Variants in ADGRL2 observed in about 807,000 individuals in gnomAD.
ADGRL2 encodes the protein calcium-independent alpha-latrotoxin receptor 2.
ADGRL2 carries 44 observed loss-of-function variants against 157.4 expected under a neutral mutation model. That is an observed-to-expected ratio of 0.28 (90% CI 0.22 to 0.36). The LOEUF (loss-of-function observed/expected upper bound fraction) is 0.36, where lower values mean the gene tolerates loss of function less well. Among genes scored for constraint, ADGRL2 ranks in the 10% least tolerant of loss-of-function variants. ADGRL2 has a pLI of 1.00. For missense variants in ADGRL2, 1,510 were observed against 1,768.9 expected, an observed-to-expected ratio of 0.85 and a Z score of 2.63; for synonymous variants, 585 against 624.7, an observed-to-expected ratio of 0.94 and a Z score of 0.95.
chr1:81,711,000 A>G (rs1241861114), intron 1 of ADGRL2, among the ~76,000 whole-genome samples: 1 of 152,184 alleles, frequency 6.6e-6, no homozygotes, highest in Admixed American at 6.5e-5. Flanking sequence ...AACATCATGC[A>G]TTGGTCATTT....
chr1:81,722,687 T>C (rs998323193), intron 1 of ADGRL2: 9 of 1,168,658 alleles, frequency 7.7e-6, no homozygotes, highest in Admixed American at 3.4e-5. Context: ...GCACAGGAAA[T>C]TGCAGAAGAA....
intron 9 of ADGRL2, 86 bp from the exon 10 acceptor site, chr1:81,952,901 C>T (rs921238206): frequency 2.8e-6 from 3 of 1,078,294 alleles, no homozygotes; most frequent in African/African-American, 3.1e-5. Flanking sequence ...TCTGGAACAC[C>T]AGCTTAATTT....
At chr1:81,444,703 A>T (rs2077570135) in intron 1 of ADGRL2, among the ~76,000 whole-genome samples, 1 of 152,144 alleles carries the variant, frequency 6.6e-6, no homozygotes, top group African/African-American at 2.4e-5. Context: ...TAAGAGTGCA[A>T]TTGATCTTTT....
intron 3 of ADGRL2, among the ~76,000 whole-genome samples, chr1:81,584,857 G>A (rs76920924): frequency 6.6e-6 from 1 of 152,108 alleles, no homozygotes; most frequent in Non-Finnish European, 1.5e-5. Context: ...AAACTCTAGA[G>A]TTACCTGGTG....
At chr1:81,532,473 T>C (rs1330863351) in intron 2 of ADGRL2, among the ~76,000 whole-genome samples, 3 of 152,104 alleles carry the variant, frequency 2.0e-5, no homozygotes, top group Non-Finnish European at 4.4e-5. Context: ...GCACTAAGCT[T>C]TTATGAATAA....
chr1:81,624,805 C>A (rs1456343460), intron 3 of ADGRL2, among the ~76,000 whole-genome samples: 1 of 152,168 alleles, frequency 6.6e-6, no homozygotes, highest in East Asian at 1.9e-4. Flanking sequence ...GGCAACCCCC[C>A]AAACTCATTT....
intron 3 of ADGRL2, among the ~76,000 whole-genome samples, chr1:81,907,598 A>G (rs1572050037): frequency 6.6e-6 from 1 of 152,034 alleles, no homozygotes; most frequent in African/African-American, 2.4e-5. Flanking sequence ...ATTAGTTGCT[A>G]CTTAACTTTT....
At chr1:81,410,724 C>A (rs892392305) in intron 1 of ADGRL2, among the ~76,000 whole-genome samples, 3 of 152,140 alleles carry the variant, frequency 2.0e-5, no homozygotes, top group Admixed American at 2.0e-4. Context: ...TTATTTAAAG[C>A]CAATCTGTAC....
At position 81,976,039 on chromosome 1, in the gene ADGRL2, C is replaced by T. The variant is rs566271099; in HGVS notation, c.3022-3830C>T. On this transcript the variant is annotated intron_variant, in intron 17 of 23. Transcript: ENST00000686636. ...AGAAAATAAGATAACTGTAAAACCA[C>T]ATTTTTAAAAATGTATCTGTGCTTC... 4.6e-5 allele frequency among the ~76,000 whole-genome samples: 7 copies of T among 152,024 alleles called. No individual in the cohort carries two copies. The East Asian group carries it at 1.2e-3, about 25-fold the overall frequency.
At chr1:81,975,386 G>A (rs1659924724) in intron 17 of ADGRL2, among the ~76,000 whole-genome samples, 1 of 152,032 alleles carries the variant, frequency 6.6e-6, no homozygotes, top group Non-Finnish European at 1.5e-5. Flanking sequence ...AAACTTCGTA[G>A]TATTTACACT....
intron 3 of ADGRL2, among the ~76,000 whole-genome samples, chr1:81,914,306 A>G (rs187623118): frequency 1.1e-4 from 16 of 152,274 alleles, no homozygotes; most frequent in African/African-American, 3.8e-4. Flanking sequence ...CTGTAAACTC[A>G]TCTTTCTAAA....
intron 1 of ADGRL2, among the ~76,000 whole-genome samples, chr1:81,727,423 G>A (rs551438917): frequency 1.3e-5 from 2 of 152,072 alleles, no homozygotes; most frequent in South Asian, 4.2e-4. Flanking sequence ...ACCTGCTATA[G>A]ATAATCCTTT....
At position 81,993,402 on chromosome 1, in the gene ADGRL2, A is replaced by C. The variant is rs940975596; in HGVS notation, c.*2257A>C. ...AATTCCTAGTATACAAGCTACCTAG[A>C]GTCAGGCTGGTTCAGTAATAAATTT... On this transcript the variant is annotated 3_prime_UTR_variant, in exon 24 of 24. Coordinates refer to ENST00000686636, the MANE Select transcript of ADGRL2 (RefSeq NM_001366006.2). 6.6e-6 allele frequency among the ~76,000 whole-genome samples: 1 copy of C among 151,918 alleles called. No individual in the cohort carries two copies. Among genetic ancestry groups the C allele is most frequent in the African/African-American group, 2.4e-5 (1 of 41,366 alleles).
intron 6 of ADGRL2, among the ~76,000 whole-genome samples, chr1:81,949,393 A>C (rs1651001830): frequency 6.6e-6 from 1 of 152,238 alleles, no homozygotes; most frequent in African/African-American, 2.4e-5. Flanking sequence ...GAAAATAATG[A>C]AAACATTTTT....
At chr1:81,925,518 G>A (rs928762842) in intron 3 of ADGRL2, among the ~76,000 whole-genome samples, 10 of 149,604 alleles carry the variant, frequency 6.7e-5, no homozygotes, top group Non-Finnish European at 1.5e-4. Flanking sequence ...TCCATAATTC[G>A]TTTTGTGTAA....
chr1:81,809,556 C>A (rs949817190), intron 1 of ADGRL2, among the ~76,000 whole-genome samples: 1 of 151,840 alleles, frequency 6.6e-6, no homozygotes, highest in African/African-American at 2.4e-5. Context: ...AGATACAATC[C>A]TGTCTTTTTT....
At chr1:81,719,762 C>A (rs1448654641) in intron 1 of ADGRL2, among the ~76,000 whole-genome samples, 1 of 152,096 alleles carries the variant, frequency 6.6e-6, no homozygotes, top group Non-Finnish European at 1.5e-5. Context: ...GTATACAGCC[C>A]AATGCTAGTG....
chr1:81,949,533 G>C (rs1329191110), intron 6 of ADGRL2, among the ~76,000 whole-genome samples: 2 of 152,160 alleles, frequency 1.3e-5, no homozygotes, highest in Non-Finnish European at 2.9e-5. Flanking sequence ...CCTCTGACTG[G>C]AACTAGCTGC....
intron 1 of ADGRL2, among the ~76,000 whole-genome samples, chr1:81,310,615 C>T (rs1276056228): frequency 1.3e-5 from 2 of 152,184 alleles, no homozygotes; most frequent in East Asian, 3.8e-4. Context: ...ATATCCACAA[C>T]CTCTATCTGC....
Sources: gnomAD v4.1 joint callset for allele counts (sites outside exome capture counted in the v4.1 genomes callset) on GRCh38, gnomAD v4.1.1 for gene constraint, MANE v1.5 for transcripts, NCBI Gene and HGNC (gene_info 2026-07-23, HGNC 2026-07-21) for gene names.